The following GRM7 variants were observed in gnomAD, a reference collection of about 807,000 sequenced individuals.
GRM7 encodes glutamate metabotropic receptor 7, also known as metabotropic glutamate receptor 7.
A neutral mutation model predicts 84.5 loss-of-function variants in GRM7; 35 were observed. The observed-to-expected ratio is 0.41, with a 90% confidence interval of 0.32 to 0.55. The LOEUF (loss-of-function observed/expected upper bound fraction) is 0.55, where lower values mean the gene tolerates loss of function less well. Ranked by LOEUF, GRM7 falls within the 20% of genes least tolerant of loss-of-function variation. The probability of loss-of-function intolerance (pLI) is 0.19; values close to 1 mark genes in which losing one functional copy is unlikely to be tolerated. For synonymous variants in GRM7, 487 were observed against 455.1 expected (o/e 1.07, Z -0.89); for missense variants, 1,003 against 1,194.6 (o/e 0.84, Z 2.36).
intron 9 of GRM7, among the ~76,000 whole-genome samples, chr3:7,694,846 G>A (rs1325041200): frequency 1.3e-5 from 2 of 152,246 alleles, no homozygotes; most frequent in Middle Eastern, 3.4e-3. Flanking sequence ...GTACATTTCA[G>A]TTTATACTTC....
Position 7,565,416 on chromosome 3 carries a change from G to A in GRM7, c.1516-13006G>A, listed in dbSNP as rs111255719. On this transcript the variant is annotated intron_variant, in intron 7 of 9. Coordinates refer to ENST00000357716, the MANE Select transcript of GRM7 (RefSeq NM_000844.4). ...TCTCATTTTTGCATAATTACAAATC[G>A]TAATTACAAAGTGCTGTGAAGAGGT... Among the ~76,000 whole-genome samples the A allele has an allele frequency of 3.9e-3, 600 of 152,218 alleles. 2 individuals carry two copies. Among genetic ancestry groups the A allele is most frequent in the African/African-American group, 8.8e-3 (366 of 41,544 alleles).
chr3:7,249,607 C>T (rs902546635), intron 2 of GRM7, among the ~76,000 whole-genome samples: 13 of 152,036 alleles, frequency 8.6e-5, no homozygotes, highest in African/African-American at 3.1e-4. Context: ...GTAAAAAGAG[C>T]ATGACTAAAC....
intron 1 of GRM7, among the ~76,000 whole-genome samples, chr3:6,938,879 G>A (rs1040298352): frequency 5.3e-5 from 8 of 152,208 alleles, no homozygotes; most frequent in African/African-American, 1.9e-4. Flanking sequence ...CCAAAACTTG[G>A]GAAATCCATT....
At chr3:7,292,617 T>C (rs878991234) in intron 2 of GRM7, among the ~76,000 whole-genome samples, 3 of 152,078 alleles carry the variant, frequency 2.0e-5, no homozygotes, top group African/African-American at 7.2e-5. Context: ...TGATGAATAT[T>C]ATCTCTGTGA....
chr3:7,501,613 G>C (rs1385603592), intron 7 of GRM7, among the ~76,000 whole-genome samples: 8 of 152,090 alleles, frequency 5.3e-5, no homozygotes, highest in Non-Finnish European at 8.8e-5. Flanking sequence ...TTCTAACACA[G>C]GACTTGACTT....
intron 7 of GRM7, among the ~76,000 whole-genome samples, chr3:7,571,718 A>G (rs1694671686): frequency 6.6e-6 from 1 of 152,204 alleles, no homozygotes; most frequent in African/African-American, 2.4e-5. Context: ...ATTTTCAGGT[A>G]TCTTTTCAGC....
intron 2 of GRM7, among the ~76,000 whole-genome samples, chr3:7,273,311 G>C (rs1191678071): frequency 3.3e-5 from 5 of 152,074 alleles, no homozygotes; most frequent in Non-Finnish European, 5.9e-5. Flanking sequence ...GTGAGCTTGA[G>C]AAGAATGTAC....
chr3:7,103,502 A>G (rs1699179775), intron 1 of GRM7, among the ~76,000 whole-genome samples: 1 of 151,850 alleles, frequency 6.6e-6, no homozygotes, highest in Admixed American at 6.6e-5. Flanking sequence ...TGAGATTGCC[A>G]AAATAAAATT....
At chr3:7,121,359 A>G (rs1353221610) in intron 1 of GRM7, among the ~76,000 whole-genome samples, 1 of 151,772 alleles carries the variant, frequency 6.6e-6, no homozygotes, top group East Asian at 1.9e-4. Context: ...CCATCCATCC[A>G]TCCATCCATC....
At chr3:7,612,863 A>G (rs1272494096) in intron 8 of GRM7, among the ~76,000 whole-genome samples, 1 of 152,198 alleles carries the variant, frequency 6.6e-6, no homozygotes, top group Non-Finnish European at 1.5e-5. Flanking sequence ...GACCAATTAG[A>G]TTCAGTGAAA....
At chr3:7,424,981 T>A (rs562000681) in intron 5 of GRM7, among the ~76,000 whole-genome samples, 1 of 152,280 alleles carries the variant, frequency 6.6e-6, no homozygotes, top group Non-Finnish European at 1.5e-5. Flanking sequence ...TTCAGATGGA[T>A]CAACCCAATG....
chr3:6,919,590 T>C (rs1697056109), intron 1 of GRM7, among the ~76,000 whole-genome samples: 1 of 150,650 alleles, frequency 6.6e-6, no homozygotes, highest in African/African-American at 2.4e-5. Context: ...TTGGACACGC[T>C]GATCAGCTAG....
chr3:7,251,310 A>G (rs1249092123), intron 2 of GRM7, among the ~76,000 whole-genome samples: 2 of 152,300 alleles, frequency 1.3e-5, no homozygotes, highest in East Asian at 3.9e-4. Context: ...TAAAAAAAAA[A>G]AAATGTACTA....
intron 2 of GRM7, among the ~76,000 whole-genome samples, chr3:7,297,108 T>A (rs1292116509): frequency 3.3e-5 from 5 of 151,858 alleles, no homozygotes; most frequent in Non-Finnish European, 5.9e-5. Flanking sequence ...TTTAGATGTT[T>A]CTTCTTTTTG....
intron 8 of GRM7, among the ~76,000 whole-genome samples, chr3:7,624,247 G>C (rs1697501067): frequency 6.6e-6 from 1 of 152,058 alleles, no homozygotes; most frequent in Non-Finnish European, 1.5e-5. Context: ...ATCAGAATGG[G>C]GTGGTTACAG....
intron 1 of GRM7, among the ~76,000 whole-genome samples, chr3:6,963,139 G>T (rs1413541627): frequency 6.6e-6 from 1 of 152,206 alleles, no homozygotes; most frequent in East Asian, 1.9e-4. Context: ...CAGGTGGCCA[G>T]TGTTCTGCAA....
At chr3:7,153,405 G>A (rs1694349522) in intron 2 of GRM7, among the ~76,000 whole-genome samples, 1 of 151,912 alleles carries the variant, frequency 6.6e-6, no homozygotes, top group Non-Finnish European at 1.5e-5. Context: ...GTAATCATCT[G>A]CCTAGTTATC....
At chr3:7,717,405 G>T (rs1029167170) in intron 9 of GRM7, among the ~76,000 whole-genome samples, 2 of 152,096 alleles carry the variant, frequency 1.3e-5, no homozygotes, top group Admixed American at 1.3e-4. Context: ...GTTGCGGAAG[G>T]TCTAGAAAAT....
intron 2 of GRM7, among the ~76,000 whole-genome samples, chr3:7,196,354 G>C (rs11923998): frequency 0.063 from 9,531 of 152,072 alleles, 867 homozygotes; most frequent in African/African-American, 0.2. Flanking sequence ...AACATCTAGA[G>C]TAATATTTGG....
Sources: gnomAD v4.1 joint callset for allele counts (sites outside exome capture counted in the v4.1 genomes callset) on GRCh38, gnomAD v4.1.1 for gene constraint, MANE v1.5 for transcripts, NCBI Gene and HGNC (gene_info 2026-07-23, HGNC 2026-07-21) for gene names.